The following PPP1R16B variants were observed in gnomAD, a reference collection of about 807,000 sequenced individuals.
PPP1R16B encodes protein phosphatase 1 regulatory subunit 16B, also known as protein phosphatase 1 regulatory inhibitor subunit 16B.
Under a neutral mutation model 61.7 loss-of-function variants are expected in PPP1R16B, and 14 were observed. The observed-to-expected ratio is 0.23, with a 90% confidence interval of 0.15 to 0.35. PPP1R16B has a LOEUF of 0.35. PPP1R16B is among the 10% of genes least tolerant of loss of function. PPP1R16B has a pLI of 1.00. For missense variants in PPP1R16B, 547 were observed against 752.5 expected, an observed-to-expected ratio of 0.73 and a Z score of 3.19; for synonymous variants, 266 against 305.3, an observed-to-expected ratio of 0.87 and a Z score of 1.34.
At chr20:38,808,386 C>T (rs2145699680) in intron 1 of PPP1R16B, among the ~76,000 whole-genome samples, 1 of 152,280 alleles carries the variant, frequency 6.6e-6, no homozygotes, top group South Asian at 2.1e-4. Context: ...CCCAACCTAG[C>T]CACCACCCCT....
intron 2 of PPP1R16B, among the ~76,000 whole-genome samples, chr20:38,850,092 T>A (rs2084958930): frequency 6.6e-6 from 1 of 152,252 alleles, no homozygotes; most frequent in Admixed American, 6.5e-5. Context: ...AGAAGACGAC[T>A]ATCAGCAGCT....
At chr20:38,848,702 A>G (rs1218766783) in intron 2 of PPP1R16B, among the ~76,000 whole-genome samples, 3 of 152,206 alleles carry the variant, frequency 2.0e-5, no homozygotes, top group African/African-American at 4.8e-5. Context: ...GCAAACTAAC[A>G]CAAGGACAGA....
intron 2 of PPP1R16B, among the ~76,000 whole-genome samples, chr20:38,843,336 G>A (rs1378818607): frequency 6.6e-6 from 1 of 152,254 alleles, no homozygotes; most frequent in African/African-American, 2.4e-5. Flanking sequence ...GGGATCCAGA[G>A]CAGCTCAGCT....
chr20:38,855,857 A>G (rs547090624), intron 2 of PPP1R16B, among the ~76,000 whole-genome samples: 34 of 145,720 alleles, frequency 2.3e-4, no homozygotes, highest in African/African-American at 8.4e-4. Context: ...TAGGCAGGAC[A>G]TCGCATCTGT....
intron 2 of PPP1R16B, among the ~76,000 whole-genome samples, chr20:38,857,507 A>G (rs1427774990): frequency 6.6e-6 from 1 of 152,162 alleles, no homozygotes; most frequent in South Asian, 2.1e-4. Flanking sequence ...GAGGTTCTTG[A>G]TTGGTAAAAT....
intron 2 of PPP1R16B, among the ~76,000 whole-genome samples, chr20:38,867,463 C>T (rs1294141243): frequency 6.6e-6 from 1 of 152,128 alleles, no homozygotes; most frequent in Non-Finnish European, 1.5e-5. Context: ...TGAACTTGGG[C>T]AAACCATTCA....
At chr20:38,854,463 A>T (rs1321921115) in intron 2 of PPP1R16B, among the ~76,000 whole-genome samples, 2 of 152,212 alleles carry the variant, frequency 1.3e-5, no homozygotes, top group Non-Finnish European at 2.9e-5. Context: ...AGATGGAAGA[A>T]ATTATTAGTT....
chr20:38,881,857 T>C lies in PPP1R16B; in HGVS notation c.251-7738T>C, dbSNP rs2085205896. Among the ~76,000 whole-genome samples, 3 of 152,182 alleles carry C rather than the reference T, an allele frequency of 2.0e-5. No homozygotes were observed. The South Asian group carries it at 6.2e-4, about 31-fold the overall frequency. On this transcript the variant is annotated intron_variant, in intron 2 of 10. Transcript: ENST00000299824. ...CTGTTCTTCTCTCCGCTGTATATGC[T>C]TCCTTCCCTGGGTCCTTGTTTGGTA...
intron 1 of PPP1R16B, among the ~76,000 whole-genome samples, chr20:38,808,590 A>C (rs2145699824): frequency 7.0e-6 from 1 of 143,008 alleles, no homozygotes; most frequent in African/African-American, 2.6e-5. Flanking sequence ...TCTAATTTTA[A>C]TTAGGGATCT....
At chr20:38,866,976 A>G (rs2085094731) in intron 2 of PPP1R16B, among the ~76,000 whole-genome samples, 2 of 151,924 alleles carry the variant, frequency 1.3e-5, no homozygotes, top group African/African-American at 4.8e-5. Flanking sequence ...GTCTCTATGG[A>G]TTTATCTGTT....
At chr20:38,842,910 C>T (rs562694649) in intron 2 of PPP1R16B, among the ~76,000 whole-genome samples, 1 of 151,858 alleles carries the variant, frequency 6.6e-6, no homozygotes, top group Non-Finnish European at 1.5e-5. Context: ...AAGATAAAAT[C>T]ACCCATATTC....
chr20:38,889,398 T>C (rs889701139), intron 2 of PPP1R16B, among the ~76,000 whole-genome samples, 197 bp from the exon 3 acceptor site: 2 of 152,228 alleles, frequency 1.3e-5, no homozygotes, highest in African/African-American at 2.4e-5. Flanking sequence ...TTAGTTCTTG[T>C]TATTGTTATC....
intron 10 of PPP1R16B, among the ~76,000 whole-genome samples, chr20:38,913,325 C>G (rs771539007): frequency 6.6e-6 from 1 of 151,902 alleles, no homozygotes; most frequent in African/African-American, 2.4e-5. Flanking sequence ...TGCAGTGGCT[C>G]AATCTTGGCT....
At chr20:38,861,609 C>T (rs972410433) in intron 2 of PPP1R16B, among the ~76,000 whole-genome samples, 6 of 152,108 alleles carry the variant, frequency 3.9e-5, no homozygotes, top group Non-Finnish European at 7.3e-5. Flanking sequence ...TTCAGCCAGC[C>T]TGCATCAATC....
At chr20:38,906,283 G>GTTTTTTTTTT (rs907617949) in intron 7 of PPP1R16B, among the ~76,000 whole-genome samples, 189 bp downstream of exon 7, 2 of 101,264 alleles carry the variant, frequency 2.0e-5, no homozygotes, top group Non-Finnish European at 4.2e-5. Context: ...AGCAAGTTGT[G>GTTTTTTTTTT]TTTTTTTTTT....
intron 3 of PPP1R16B, among the ~76,000 whole-genome samples, chr20:38,892,891 G>C (rs1172277265): frequency 6.6e-6 from 1 of 152,198 alleles, no homozygotes; most frequent in Non-Finnish European, 1.5e-5. Flanking sequence ...TTTCAAGTTT[G>C]GAGTCTGGAG....
At chr20:38,893,988 G>A (rs1245536051) in intron 3 of PPP1R16B, among the ~76,000 whole-genome samples, 1 of 152,132 alleles carries the variant, frequency 6.6e-6, no homozygotes, top group Admixed American at 6.5e-5. Flanking sequence ...GGCGCCCTCT[G>A]CCGGCCGCGC....
chr20:38,818,022 C>A (rs532992906), intron 1 of PPP1R16B, among the ~76,000 whole-genome samples: 1 of 152,170 alleles, frequency 6.6e-6, no homozygotes, highest in Non-Finnish European at 1.5e-5. Flanking sequence ...CCAGCCTGGG[C>A]GACAGAGCGA....
intron 10 of PPP1R16B, among the ~76,000 whole-genome samples, chr20:38,917,575 A>G (rs2085552644): frequency 6.6e-6 from 1 of 152,206 alleles, no homozygotes; most frequent in Non-Finnish European, 1.5e-5. Flanking sequence ...TATGCTTCAT[A>G]TACAGAGGAA....
Sources: gnomAD v4.1 joint callset for allele counts (sites outside exome capture counted in the v4.1 genomes callset) on GRCh38, gnomAD v4.1.1 for gene constraint, MANE v1.5 for transcripts, NCBI Gene and HGNC (gene_info 2026-07-23, HGNC 2026-07-21) for gene names.